The following ULK4 variants were observed in gnomAD, a reference collection of about 807,000 sequenced individuals.
The protein encoded by ULK4 is unc-51 like kinase 4.
In ULK4, 133 loss-of-function variants were observed where a neutral mutation model predicts 160.6. The observed-to-expected ratio is 0.83, with a 90% confidence interval of 0.72 to 0.96. The LOEUF (loss-of-function observed/expected upper bound fraction) is 0.96. Among genes scored for constraint, ULK4 ranks in the 40% least tolerant of loss-of-function variants. The pLI is 0.00. For missense variants in ULK4, 1,580 were observed against 1,499.5 expected (o/e 1.05, Z -0.89); for synonymous variants, 534 against 539.8 (o/e 0.99, Z 0.15).
intron 17 of ULK4, among the ~76,000 whole-genome samples, chr3:41,844,678 C>T (rs527901489): frequency 6.6e-5 from 10 of 151,996 alleles, no homozygotes; most frequent in Admixed American, 3.9e-4. Context: ...GCAGAGGAGG[C>T]GCCAAGAGCG....
At chr3:41,497,559 A>G (rs1434712012) in intron 32 of ULK4, among the ~76,000 whole-genome samples, 3 of 152,192 alleles carry the variant, frequency 2.0e-5, no homozygotes, top group South Asian at 4.1e-4. Context: ...CAAACCCCAA[A>G]TAAGAAAATT....
At chr3:41,476,043 GAAAAAGGAAGGA>G (rs2084132490) in intron 32 of ULK4, among the ~76,000 whole-genome samples, 1 of 114,544 alleles carries the variant, frequency 8.7e-6, no homozygotes, top group African/African-American at 3.4e-5. Context: ...GGAGAGGAGG[GAAAAAGGAAGGA>G]AGGGAGGGAG....
chr3:41,829,045 A>T (rs2041474696), intron 18 of ULK4, among the ~76,000 whole-genome samples: 1 of 151,400 alleles, frequency 6.6e-6, no homozygotes, highest in South Asian at 2.1e-4. Context: ...AGCAATGGGG[A>T]AAGGATTCCC....
At chr3:41,780,235 G>C (rs2039786801) in intron 21 of ULK4, among the ~76,000 whole-genome samples, 1 of 151,960 alleles carries the variant, frequency 6.6e-6, no homozygotes, top group African/African-American at 2.4e-5. Context: ...TTGAGCCCAG[G>C]AGGCAGCGGT....
chr3:41,721,255 ATTTTTTTTTTTTTTT>A (rs67078042), intron 22 of ULK4, among the ~76,000 whole-genome samples: 1 of 45,052 alleles, frequency 2.2e-5, no homozygotes, highest in Non-Finnish European at 3.5e-5. Context: ...TTCGCTTTGA[ATTTTTTTTTTTTTTT>A]TTTTTTTTTT....
chr3:41,536,722 A>G (rs1194823948), intron 32 of ULK4, among the ~76,000 whole-genome samples: 1 of 152,142 alleles, frequency 6.6e-6, no homozygotes, highest in Non-Finnish European at 1.5e-5. Context: ...ATGCCTTCTG[A>G]GTAGGCTGAG....
In ULK4 at chr3:41,678,777, A is replaced by C. The variant is rs145767458; in HGVS notation, c.2978+2731T>G. ...TGCATCAAAAGTATTGTTTAAGGTC[A>C]AGGGAAGGCTAAAACTTTAACAAAA... On this transcript the variant is annotated intron_variant, in intron 29 of 36. Coordinates refer to ENST00000301831, the MANE Select transcript of ULK4 (RefSeq NM_017886.4). Among the ~76,000 whole-genome samples the C allele has an allele frequency of 5.9e-5, 9 of 152,340 alleles. No individual in the cohort carries two copies. In the East Asian group the frequency reaches 1.7e-3, roughly 29 times the overall value.
rs185630572 is a variant in ULK4 at position 41,447,914 on chromosome 3, G to A, written c.3492+7583C>T. Among the ~76,000 whole-genome samples the A allele has an allele frequency of 1.0e-3, 156 of 152,224 alleles. No individual in the cohort carries two copies. The South Asian group carries it at 0.01, about 10-fold the overall frequency. ...TAAATGATGCAATTTTAAAGCAAGC[G>A]AGCCGAGCCAGTGAGCCATCACCAC... On this transcript the variant is annotated intron_variant, in intron 34 of 36. Transcript: ENST00000301831.
intron 27 of ULK4, among the ~76,000 whole-genome samples, chr3:41,693,428 A>T (rs1255749442): frequency 1.3e-5 from 2 of 152,220 alleles, no homozygotes; most frequent in Non-Finnish European, 2.9e-5. Flanking sequence ...AATATTAGCA[A>T]CTACCTAGTG....
At chr3:41,858,068 T>C (rs1054180628) in intron 17 of ULK4, among the ~76,000 whole-genome samples, 40 of 152,048 alleles carry the variant, frequency 2.6e-4, no homozygotes, top group African/African-American at 9.4e-4. Flanking sequence ...GTTTTTCCTC[T>C]TTTTGACGTA....
At chr3:41,846,602 C>T (rs1244807737) in intron 17 of ULK4, among the ~76,000 whole-genome samples, 4 of 151,942 alleles carry the variant, frequency 2.6e-5, no homozygotes, top group Admixed American at 6.6e-5. Context: ...GTCAGGAGTT[C>T]AAAACCAGCC....
chr3:41,789,215 AG>A (rs1208776902), intron 21 of ULK4, among the ~76,000 whole-genome samples: 1 of 152,172 alleles, frequency 6.6e-6, no homozygotes, highest in African/African-American at 2.4e-5. Flanking sequence ...AGAAGAGGAT[AG>A]GTTAAAAACA....
chr3:41,802,841 T>C (rs1018866414), intron 19 of ULK4, among the ~76,000 whole-genome samples: 2 of 152,136 alleles, frequency 1.3e-5, no homozygotes, highest in African/African-American at 4.8e-5. Context: ...AGGTCAACTG[T>C]GATAAATTCG....
intron 30 of ULK4, among the ~76,000 whole-genome samples, chr3:41,642,064 A>T (rs1487745693): frequency 6.6e-6 from 1 of 151,300 alleles, no homozygotes; most frequent in East Asian, 1.9e-4. Context: ...AGTAGAGACG[A>T]GGTTTCTTCA....
At chr3:41,723,775 CA>C (rs930512313) in intron 22 of ULK4, among the ~76,000 whole-genome samples, 4 of 152,310 alleles carry the variant, frequency 2.6e-5, no homozygotes, top group African/African-American at 9.6e-5. Flanking sequence ...AAACTGCAAA[CA>C]GGGGACTAAG....
intron 35 of ULK4, among the ~76,000 whole-genome samples, chr3:41,276,177 G>A (rs7613114): frequency 0.25 from 37,956 of 152,130 alleles, 7,018 homozygotes; most frequent in African/African-American, 0.52. Context: ...CTGACTAGTT[G>A]GTTCTTTCAT....
chr3:41,479,770 A>T (rs572932004), intron 32 of ULK4, among the ~76,000 whole-genome samples: 11 of 152,310 alleles, frequency 7.2e-5, no homozygotes, highest in Non-Finnish European at 1.5e-4. Context: ...TCCTGTAGGC[A>T]ATACAATATG....
intron 35 of ULK4, among the ~76,000 whole-genome samples, chr3:41,314,711 T>TTAGAAATATGTTCAA (rs1298315878): frequency 6.6e-6 from 1 of 152,198 alleles, no homozygotes; most frequent in East Asian, 1.9e-4. Context: ...ATGGTCTGAG[T>TTAGAAATATGTTCAA]ATACAATTTA....
chr3:41,674,839 T>C (rs955847389), intron 29 of ULK4, among the ~76,000 whole-genome samples: 9 of 152,178 alleles, frequency 5.9e-5, no homozygotes, highest in African/African-American at 2.2e-4. Context: ...ACAGCAAAGA[T>C]ATGGGTACTG....
Sources: allele counts gnomAD v4.1 joint callset (sites outside exome capture counted in the v4.1 genomes callset), GRCh38; gene constraint gnomAD v4.1.1; transcripts MANE v1.5; gene names NCBI Gene and HGNC (gene_info 2026-07-23, HGNC 2026-07-21).